The following RPL24 variants were observed in gnomAD, a reference collection of about 807,000 sequenced individuals.
RPL24 encodes the protein ribosomal protein L24.
A neutral mutation model predicts 26.4 loss-of-function variants in RPL24; 7 were observed. The observed-to-expected ratio is 0.27, with a 90% confidence interval of 0.15 to 0.50. RPL24 has a LOEUF of 0.50. Among genes scored for constraint, RPL24 ranks in the 20% least tolerant of loss-of-function variants. The pLI, the probability that RPL24 is intolerant of heterozygous loss-of-function variation, is 0.98. For missense variants in RPL24, 109 were observed against 194.9 expected, an observed-to-expected ratio of 0.56 and a Z score of 2.62; for synonymous variants, 67 against 65.2, an observed-to-expected ratio of 1.03 and a Z score of -0.13.
chr3:101,682,034 T>C (rs1937269622), intron 5 of RPL24: 1 of 180,500 alleles, frequency 5.5e-6, no homozygotes, highest in Admixed American at 5.7e-5. Context: ...TGTGAAACTT[T>C]CATTTATCAC....
At chr3:101,682,190 T>TAAACAAAC (rs201260369) in intron 5 of RPL24, 24 of 461,314 alleles carry the variant, frequency 5.2e-5, no homozygotes, top group Admixed American at 4.6e-4. Flanking sequence ...TGTCTCTACT[T>TAAACAAAC]AAACAAACAA....
chr3:101,683,000 G>T, intron 3 of RPL24, 93 bp from the exon 4 acceptor site: 1 of 1,124,754 alleles, frequency 8.9e-7, no homozygotes, highest in Non-Finnish European at 1.3e-6. Context: ...GGCAAATGAA[G>T]TATTTTAAGA....
chr3:101,682,239 A>T (rs1937272889), intron 5 of RPL24, 190 bp downstream of exon 5: 2 of 587,382 alleles, frequency 3.4e-6, no homozygotes, highest in Non-Finnish European at 3.1e-6. Flanking sequence ...GATGGCGCGC[A>T]CCTGTACTCC....
rs904511597 is a variant in RPL24 at position 101,682,879 on chromosome 3, C to T, written c.221G>A (p.Arg74Gln). 4 of 1,613,444 alleles carry T rather than the reference C, an allele frequency of 2.5e-6. No individual in the cohort carries two copies. The highest frequency in any genetic ancestry group is 3.4e-6 in the Non-Finnish European group (4 of 1,179,670). ...SEEIQKKRTR[R>Q]AVKFQRAITG... Reference sequence around the variant, plus strand: ...AATGGCCCTCTGGAATTTGACTGCTCGGCGGGTTCTTTTCTTTTGAATTTC... The same window carrying T: ...AATGGCCCTCTGGAATTTGACTGCTTGGCGGGTTCTTTTCTTTTGAATTTC... Residue 74 changes from arginine to glutamine, a missense_variant, in exon 4 of 6, where the codon CGA (arginine) becomes CAA (glutamine). Coordinates refer to ENST00000394077, the MANE Select transcript of RPL24 (RefSeq NM_000986.4).
intron 5 of RPL24, 22 bp from the exon 6 acceptor site, chr3:101,681,237 T>C (rs1308953431): frequency 7.7e-6 from 12 of 1,567,982 alleles, no homozygotes; most frequent in Non-Finnish European, 1.1e-5. Flanking sequence ...TAACACAATA[T>C]TACTCCACAA....
In RPL24 at chr3:101,685,799, C is replaced by T. The variant is rs1416895948; in HGVS notation, c.192+19G>A. 1.4e-6 allele frequency: 2 copies of T among 1,399,994 alleles called. No individual in the cohort carries two copies. The highest frequency in any genetic ancestry group is 2.0e-6 in the Non-Finnish European group (2 of 992,610). The allele number at this position is 1,399,994 out of a possible 1,614,324, so 86.7% of individuals were successfully genotyped here. ...CAACTTAAGAGATAGCCCCCAACAT[C>T]AAGGCGTATTCCACTTACCGACTGT... On this transcript the variant is annotated intron_variant, in intron 3 of 5. Coordinates refer to ENST00000394077, the MANE Select transcript of RPL24 (RefSeq NM_000986.4).
At chr3:101,686,177 C>T (rs1339333462) in intron 2 of RPL24, 2 of 574,466 alleles carry the variant, frequency 3.5e-6, no homozygotes, top group South Asian at 2.2e-5. Context: ...GTGGTGCGTC[C>T]TTCTGGGAAG....
At chr3:101,683,645 A>G (rs913598045) in intron 3 of RPL24, among the ~76,000 whole-genome samples, 1 of 151,952 alleles carries the variant, frequency 6.6e-6, no homozygotes, top group African/African-American at 2.4e-5. Flanking sequence ...GAACACTTAA[A>G]CATTTTTTTT....
chr3:101,686,683 A>G lies in RPL24; in HGVS notation c.-7T>C. On this transcript the variant is annotated 5_prime_UTR_variant, in exon 1 of 6. Transcript: ENST00000394077. ...CGGGTCGTGCTTACTTCATGGCGAC[A>G]GCTCCACGGAAAGACAAAAGATGGC... 2 of 1,614,234 alleles carry G rather than the reference A, an allele frequency of 1.2e-6. No individual in the cohort carries two copies. Among genetic ancestry groups the G allele is most frequent in the South Asian group, 1.1e-5 (1 of 91,080 alleles).
At chr3:101,681,341 C>A in intron 5 of RPL24, 126 bp from the exon 6 acceptor site, 1 of 681,534 alleles carries the variant, frequency 1.5e-6, no homozygotes, top group Non-Finnish European at 2.7e-6. Flanking sequence ...ATTCCTAATG[C>A]CAATCTTTTA....
At position 101,686,661 on chromosome 3, in the gene RPL24, G is replaced by C; in HGVS notation, c.5+11C>G. 6.2e-7 allele frequency: 1 copy of C among 1,614,232 alleles called. No individual in the cohort carries two copies. The highest frequency in any genetic ancestry group is 8.5e-7 in the Non-Finnish European group (1 of 1,180,008). On this transcript the variant is annotated intron_variant, in intron 1 of 5. Transcript: ENST00000394077. ...GATGTAAGCGGATTGGGAACCACGG[G>C]TCGTGCTTACTTCATGGCGACAGCT...
intron 3 of RPL24, among the ~76,000 whole-genome samples, chr3:101,683,794 C>T (rs1284293913): frequency 3.3e-5 from 5 of 151,312 alleles, no homozygotes; most frequent in Admixed American, 1.3e-4. Context: ...CTGCAACCTC[C>T]GCCTCCACCT....
intron 5 of RPL24, chr3:101,681,431 A>C: frequency 1.8e-6 from 1 of 552,638 alleles, no homozygotes; most frequent in South Asian, 2.3e-5. Context: ...ACTGGATGAA[A>C]TGAGACACAA....
intron 3 of RPL24, among the ~76,000 whole-genome samples, chr3:101,684,776 CAAAAAAAAAAAAAA>C (rs57278210): frequency 0.012 from 647 of 53,216 alleles, 19 homozygotes; most frequent in African/African-American, 0.047. Context: ...CCTGTCTCCC[CAAAAAAAAAAAAAA>C]AAAAAAAAAA....
intron 2 of RPL24, 131 bp downstream of exon 2, chr3:101,686,351 G>C: frequency 1.4e-6 from 1 of 713,246 alleles, no homozygotes; most frequent in Non-Finnish European, 2.3e-6. Flanking sequence ...CTAACGACCA[G>C]TCCACAGAGC....
chr3:101,686,216 C>G (rs1937339998), intron 2 of RPL24: 1 of 579,202 alleles, frequency 1.7e-6, no homozygotes, highest in Non-Finnish European at 3.1e-6. Context: ...CCCAGGATTC[C>G]AAAGGGTACC....
intron 3 of RPL24, among the ~76,000 whole-genome samples, chr3:101,683,542 T>TA (rs1420315583): frequency 1.3e-5 from 2 of 152,206 alleles, no homozygotes; most frequent in African/African-American, 4.8e-5. Flanking sequence ...TTAAACTTTT[T>TA]AGAAAGATGC....
intron 2 of RPL24, 40 bp downstream of exon 2, chr3:101,686,442 G>T (rs140771671): frequency 6.4e-7 from 1 of 1,574,568 alleles, no homozygotes. Flanking sequence ...TTTCCTCCTC[G>T]GAGTACAAGA....
rs1937327030 is a variant in RPL24, at chr3:101,685,606, T to C, written c.192+212A>G. 1.3e-5 allele frequency among the ~76,000 whole-genome samples: 2 copies of C among 152,240 alleles called. 1 individual carries two copies. Among genetic ancestry groups the C allele is most frequent in the Admixed American group, 1.3e-4 (2 of 15,276 alleles). ...TATAACGCAAAGGTGCTTAACGTAA[T>C]TTATCTGACTTTAAAATTTCAACTC... On this transcript the variant is annotated intron_variant, in intron 3 of 5. Coordinates refer to ENST00000394077, the MANE Select transcript of RPL24 (RefSeq NM_000986.4).
Sources: allele counts gnomAD v4.1 joint callset (sites outside exome capture counted in the v4.1 genomes callset), GRCh38; gene constraint gnomAD v4.1.1; transcripts MANE v1.5; gene names NCBI Gene and HGNC (gene_info 2026-07-23, HGNC 2026-07-21).